UCK2: variants seen among roughly 807,000 people sequenced by gnomAD.
UCK2 encodes the protein uridine-cytidine kinase 2.
A neutral mutation model predicts 30.8 loss-of-function variants in UCK2; 6 were observed. The ratio of observed to expected loss-of-function variants is 0.19; its 90% confidence interval spans 0.11 to 0.38. The LOEUF (loss-of-function observed/expected upper bound fraction) is 0.38. Among genes scored for constraint, UCK2 ranks in the 10% least tolerant of loss-of-function variants. The probability of loss-of-function intolerance (pLI) is 1.00; values close to 1 mark genes in which losing one functional copy is unlikely to be tolerated. For synonymous variants in UCK2, 125 were observed against 133.6 expected, an observed-to-expected ratio of 0.94 and a Z score of 0.45; for missense variants, 210 against 339.8, an observed-to-expected ratio of 0.62 and a Z score of 3.00.
At chr1:165,871,438 G>A (rs1655194561) in intron 1 of UCK2, among the ~76,000 whole-genome samples, 1 of 152,130 alleles carries the variant, frequency 6.6e-6, no homozygotes, top group Admixed American at 6.5e-5. Flanking sequence ...CTTTCCTGGT[G>A]AACTCCACAG....
intron 1 of UCK2, among the ~76,000 whole-genome samples, chr1:165,865,984 A>G (rs981595904): frequency 1.3e-5 from 2 of 152,168 alleles, no homozygotes; most frequent in African/African-American, 4.8e-5. Context: ...GTGGCTGGAA[A>G]CAGAAGAAGG....
At position 165,907,959 on chromosome 1, in the gene UCK2, T is replaced by G. The variant is rs900703742; in HGVS notation, c.*136T>G. On this transcript the variant is annotated 3_prime_UTR_variant, in exon 7 of 7. Coordinates refer to ENST00000367879, the MANE Select transcript of UCK2 (RefSeq NM_012474.5). ...ACCATGGAGATGAAATGCCTTTGAT[T>G]TTTTTTTTCTTTTTGTACTTTGGAA... is the stretch of plus-strand genomic sequence containing the variant. 5 of 1,283,154 alleles carry G rather than the reference T, an allele frequency of 3.9e-6. No individual in the cohort carries two copies. Among genetic ancestry groups the G allele is most frequent in the Admixed American group, 6.5e-5 (2 of 30,844 alleles). The allele number at this position is 1,283,154 out of a possible 1,614,324, so 79.5% of individuals were successfully genotyped here.
At chr1:165,833,254 C>T (rs577122120) in intron 1 of UCK2, among the ~76,000 whole-genome samples, 16 of 152,106 alleles carry the variant, frequency 1.1e-4, no homozygotes, top group African/African-American at 1.9e-4. Flanking sequence ...GTGTGTTTTC[C>T]GTCACCTCAA....
At position 165,908,483 on chromosome 1, in the gene UCK2, A is replaced by G. The variant is rs956655695; in HGVS notation, c.*660A>G. ...GGTAAAATCTCAACTCAAAAATCAAACTCAGGGAAGAGGCCCACTGAGGAG... is the reference window on the plus strand; with the variant it reads ...GGTAAAATCTCAACTCAAAAATCAAGCTCAGGGAAGAGGCCCACTGAGGAG... On this transcript the variant is annotated 3_prime_UTR_variant, in exon 7 of 7. Transcript: ENST00000367879. The G allele has an allele frequency of 1.3e-5, 2 of 148,548 alleles. No homozygotes were observed. Among genetic ancestry groups the G allele is most frequent in the Non-Finnish European group, 3.0e-5 (2 of 67,498 alleles). 9.2% of individuals were successfully genotyped at this position (148,548 alleles called of 1,614,324 possible). A position where few individuals can be genotyped will look rare whatever the true frequency, so the allele number is the denominator to read the frequency against.
In UCK2 at chr1:165,907,633, C is replaced by T. The variant is rs1647710775; in HGVS notation, c.647-51C>T. ...CCCCCAGACAGACTCCCACACTCACCCCTGCACCCATGCCTGCACCCGTAA... is the reference window on the plus strand; with the variant it reads ...CCCCCAGACAGACTCCCACACTCACTCCTGCACCCATGCCTGCACCCGTAA... On this transcript the variant is annotated intron_variant, in intron 6 of 6. Coordinates refer to ENST00000367879, the MANE Select transcript of UCK2 (RefSeq NM_012474.5). 1.9e-6 allele frequency: 3 copies of T among 1,602,184 alleles called. No individual in the cohort carries two copies. In the East Asian group the frequency reaches 6.7e-5, roughly 36 times the overall value.
intron 1 of UCK2, among the ~76,000 whole-genome samples, chr1:165,853,738 A>G (rs978283458): frequency 6.6e-6 from 1 of 152,188 alleles, no homozygotes; most frequent in Non-Finnish European, 1.5e-5. Context: ...TTTAGGTACT[A>G]TTGCTATCCT....
At chr1:165,891,542 G>A in intron 3 of UCK2, 1 of 502,690 alleles carries the variant, frequency 2.0e-6, no homozygotes, top group South Asian at 2.7e-5. Flanking sequence ...GAACAGTCCT[G>A]TTGTCACGAT....
At chr1:165,880,426 A>G (rs1655455625) in intron 1 of UCK2, among the ~76,000 whole-genome samples, 1 of 152,232 alleles carries the variant, frequency 6.6e-6, no homozygotes, top group South Asian at 2.1e-4. Flanking sequence ...AAATAGACCC[A>G]GCCTCACTTG....
intron 1 of UCK2, among the ~76,000 whole-genome samples, chr1:165,885,710 A>G (rs995730457): frequency 6.6e-6 from 1 of 152,250 alleles, no homozygotes; most frequent in African/African-American, 2.4e-5. Context: ...ATGGACGGCT[A>G]GAGTGGGAAT....
intron 1 of UCK2, among the ~76,000 whole-genome samples, chr1:165,859,533 C>G (rs1471901339): frequency 1.3e-5 from 2 of 152,152 alleles, no homozygotes; most frequent in Non-Finnish European, 2.9e-5. Flanking sequence ...TCAGAAAGAT[C>G]AGTGGGGCCG....
chr1:165,829,196 G>T (rs1226887679), intron 1 of UCK2, among the ~76,000 whole-genome samples: 1 of 152,192 alleles, frequency 6.6e-6, no homozygotes, highest in East Asian at 1.9e-4. Flanking sequence ...AGCTCCCGGG[G>T]TTAGGAATCG....
intron 1 of UCK2, among the ~76,000 whole-genome samples, chr1:165,845,169 G>T (rs567598148): frequency 6.6e-6 from 1 of 152,128 alleles, no homozygotes; most frequent in Non-Finnish European, 1.5e-5. Context: ...CAGGTAGATC[G>T]TGTCAGAATT....
rs1042149953 is a variant in UCK2, at chr1:165,893,508, G to A, written c.356+2186G>A. Among the ~76,000 whole-genome samples the A allele has an allele frequency of 5.3e-5, 8 of 152,234 alleles. No homozygotes were observed. In the South Asian group the frequency reaches 1.2e-3, roughly 24 times the overall value. On this transcript the variant is annotated intron_variant, in intron 3 of 6. Coordinates refer to ENST00000367879, the MANE Select transcript of UCK2 (RefSeq NM_012474.5). ...ATTCCATCCCACCCATGGGCGTTTG[G>A]TACAAACAAAAATTTGTTGGGCTAA...
intron 1 of UCK2, among the ~76,000 whole-genome samples, chr1:165,879,681 T>A (rs1010340639): frequency 6.6e-6 from 1 of 151,996 alleles, no homozygotes; most frequent in African/African-American, 2.4e-5. Flanking sequence ...TCTTTTCTCT[T>A]TTCTCTTTTT....
chr1:165,909,588 G>A lies in UCK2; in HGVS notation c.*1765G>A, dbSNP rs766196416. The A allele has an allele frequency of 2.0e-5, 3 of 152,234 alleles. No homozygotes were observed. The highest frequency in any genetic ancestry group is 4.4e-5 in the Non-Finnish European group (3 of 68,044). 9.4% of individuals were successfully genotyped at this position (152,234 alleles called of 1,614,324 possible). The stretch of plus-strand genomic sequence containing the variant: ...TCCCCAGCAGAGCTTGCCACCCGGA[G>A]ACTTTCAGGAGACCGTGCAGGCTCT... On this transcript the variant is annotated 3_prime_UTR_variant, in exon 7 of 7. Coordinates refer to ENST00000367879, the MANE Select transcript of UCK2 (RefSeq NM_012474.5).
At chr1:165,831,757 T>G (rs1368308509) in intron 1 of UCK2, among the ~76,000 whole-genome samples, 1 of 152,110 alleles carries the variant, frequency 6.6e-6, no homozygotes, top group Admixed American at 6.5e-5. Context: ...CAGGCTATTA[T>G]TTTTATTTTT....
At chr1:165,847,291 A>G (rs1026328016) in intron 1 of UCK2, among the ~76,000 whole-genome samples, 3 of 152,232 alleles carry the variant, frequency 2.0e-5, no homozygotes, top group African/African-American at 4.8e-5. Context: ...TAAAGATTAC[A>G]TAAAACAATA....
chr1:165,867,046 T>C (rs1655064112), intron 1 of UCK2, among the ~76,000 whole-genome samples: 2 of 152,240 alleles, frequency 1.3e-5, no homozygotes, highest in Non-Finnish European at 2.9e-5. Context: ...CACAATTTTT[T>C]GTTTCTTTTC....
At position 165,903,271 on chromosome 1, in the gene UCK2, T is replaced by G; in HGVS notation, c.589T>G (p.Cys197Gly). ...TFVKPAFEEFCLPTKKYADVI... is the reference protein window; with the variant it reads ...TFVKPAFEEFGLPTKKYADVI... ...CGTCAAGCCTGCCTTTGAGGAATTC[T>G]GCTTGCCAGTGAGTTGTGTTCTTGG... The change falls in exon 5 of 7, where the codon TGC (cysteine) becomes GGC (glycine). Residue 197 changes from cysteine to glycine, a missense_variant. Around this residue, in one of 4 missense-constraint regions of UCK2, gnomAD observed 47 missense variants for 128.7 expected, o/e 0.37. Coordinates refer to ENST00000367879, the MANE Select transcript of UCK2 (RefSeq NM_012474.5). 1 of 1,613,602 alleles carries G rather than the reference T, an allele frequency of 6.2e-7. No individual in the cohort carries two copies. Among genetic ancestry groups the G allele is most frequent in the East Asian group, 2.2e-5 (1 of 44,878 alleles).
Sources: gnomAD v4.1 joint callset for allele counts (sites outside exome capture counted in the v4.1 genomes callset) on GRCh38, gnomAD v4.1.1 for gene constraint, gnomAD v4.1.1 regional missense constraint, MANE v1.5 for transcripts, NCBI Gene and HGNC (gene_info 2026-07-23, HGNC 2026-07-21) for gene names.